Variants in SNX29 observed in about 807,000 individuals in gnomAD.
The protein encoded by SNX29 is sorting nexin-29.
A neutral mutation model predicts 102.1 loss-of-function variants in SNX29; 78 were observed. That is an observed-to-expected ratio of 0.76 (90% confidence interval 0.64 to 0.92). SNX29 has a LOEUF of 0.92. SNX29 is among the 40% of genes least tolerant of loss of function. SNX29 has a pLI of 0.00. For missense variants in SNX29, 1,280 were observed against 1,061.7 expected, an observed-to-expected ratio of 1.21 and a Z score of -2.86; for synonymous variants, 580 against 414.5, an observed-to-expected ratio of 1.40 and a Z score of -4.85.
At chr16:12,137,853 G>A (rs2054718398) in intron 13 of SNX29, among the ~76,000 whole-genome samples, 1 of 152,210 alleles carries the variant, frequency 6.6e-6, no homozygotes, top group Non-Finnish European at 1.5e-5. Context: ...TTGGGCTAGG[G>A]ATGGCCTTTG....
At chr16:12,335,688 G>A (rs1358022313) in intron 15 of SNX29, among the ~76,000 whole-genome samples, 1 of 152,142 alleles carries the variant, frequency 6.6e-6, no homozygotes, top group African/African-American at 2.4e-5. Flanking sequence ...TTGGGGGTTT[G>A]GGGGAAGCTG....
chr16:12,058,191 G>A (rs575130262), intron 8 of SNX29, among the ~76,000 whole-genome samples: 1 of 152,206 alleles, frequency 6.6e-6, no homozygotes, highest in African/African-American at 2.4e-5. Flanking sequence ...ACTGTGTAAA[G>A]AATAGTCCGC....
intron 18 of SNX29, among the ~76,000 whole-genome samples, chr16:12,467,299 A>G (rs1416180565): frequency 6.6e-6 from 1 of 152,200 alleles, no homozygotes; most frequent in African/African-American, 2.4e-5. Context: ...CAGTAATCTA[A>G]AAGTGAGTGA....
rs547208837 is a variant in SNX29, at chr16:12,162,854, C to T, written c.1595+33096C>T. ...CAACACCCTGGAGGGCCGGCAAGCA[C>T]GTGTTTATCACACAACATAGTTGTT... is the stretch of plus-strand genomic sequence containing the variant. On this transcript the variant is annotated intron_variant, in intron 13 of 20. Transcript: ENST00000566228. 8.5e-5 allele frequency among the ~76,000 whole-genome samples: 13 copies of T among 152,202 alleles called. No homozygotes were observed. In the South Asian group the frequency reaches 1.5e-3, roughly 17 times the overall value.
chr16:12,568,304 T>TGAA (rs1555465909), intron 20 of SNX29, among the ~76,000 whole-genome samples: 1 of 146,340 alleles, frequency 6.8e-6, no homozygotes, highest in African/African-American at 2.5e-5. Context: ...GGAGTGCTGT[T>TGAA]AAAAAAAAAA....
At chr16:12,145,605 A>G (rs941717431) in intron 13 of SNX29, among the ~76,000 whole-genome samples, 12 of 152,362 alleles carry the variant, frequency 7.9e-5, no homozygotes, top group Non-Finnish European at 1.3e-4. Flanking sequence ...ACCATCAATG[A>G]ATTTATTATT....
chr16:12,297,783 C>CCA (rs940020040), intron 15 of SNX29, among the ~76,000 whole-genome samples: 4 of 152,166 alleles, frequency 2.6e-5, no homozygotes, highest in Admixed American at 2.6e-4. Flanking sequence ...TGATTGGCTT[C>CCA]CACGTCTGGC....
chr16:12,560,077 C>T (rs962958486), intron 20 of SNX29, among the ~76,000 whole-genome samples: 9 of 152,118 alleles, frequency 5.9e-5, no homozygotes, highest in East Asian at 3.9e-4. Context: ...AACTACTGTC[C>T]TAACAGTGGT....
At chr16:12,137,498 G>T (rs2054706505) in intron 13 of SNX29, among the ~76,000 whole-genome samples, 1 of 152,180 alleles carries the variant, frequency 6.6e-6, no homozygotes, top group Non-Finnish European at 1.5e-5. Flanking sequence ...TTCCTTGACA[G>T]TGTTGTGCAT....
chr16:12,236,641 C>T (rs1010241699), intron 14 of SNX29, among the ~76,000 whole-genome samples: 4 of 152,244 alleles, frequency 2.6e-5, no homozygotes, highest in Admixed American at 1.3e-4. Flanking sequence ...ATCTGTCCCA[C>T]TGTGTTGGAA....
intron 18 of SNX29, among the ~76,000 whole-genome samples, chr16:12,432,107 G>T (rs539565657): frequency 3.3e-5 from 5 of 152,246 alleles, no homozygotes; most frequent in Non-Finnish European, 7.3e-5. Context: ...AGGGGACGAG[G>T]ACACAGGGGT....
At chr16:12,122,461 C>T (rs1305756881) in intron 11 of SNX29, among the ~76,000 whole-genome samples, 1 of 151,972 alleles carries the variant, frequency 6.6e-6, no homozygotes, top group Admixed American at 6.6e-5. Context: ...GCCAGCAAGC[C>T]CCAGATGCTC....
intron 16 of SNX29, chr16:12,372,519 A>G (rs1310242841): frequency 6.6e-6 from 1 of 152,210 alleles, no homozygotes; most frequent in African/African-American, 2.4e-5. Flanking sequence ...AGACACAGAC[A>G]TACTAAACAT....
intron 11 of SNX29, among the ~76,000 whole-genome samples, chr16:12,099,384 G>C (rs1374281849): frequency 1.3e-5 from 2 of 152,180 alleles, no homozygotes; most frequent in East Asian, 3.9e-4. Flanking sequence ...ATTTTTGAAT[G>C]GGGTTGTGTA....
At chr16:12,549,464 C>T (rs924781504) in intron 20 of SNX29, among the ~76,000 whole-genome samples, 2 of 149,502 alleles carry the variant, frequency 1.3e-5, no homozygotes, top group Non-Finnish European at 2.9e-5. Flanking sequence ...CATTGAACTC[C>T]AGCGTGGGCA....
chr16:12,494,645 C>G (rs1006259759), intron 19 of SNX29, among the ~76,000 whole-genome samples: 1 of 152,184 alleles, frequency 6.6e-6, no homozygotes, highest in African/African-American at 2.4e-5. Context: ...TAACCACCCC[C>G]TTGGAACTTT....
chr16:12,003,000 C>A lies in SNX29; in HGVS notation c.79C>A (p.Arg27Ser). 1.2e-6 allele frequency: 2 copies of A among 1,614,170 alleles called. No homozygotes were observed. The highest frequency in any genetic ancestry group is 1.7e-6 in the Non-Finnish European group (2 of 1,180,036). Reference protein sequence around the residue: ...LLDAVKQCQIRFGGRKEIASD... With the variant: ...LLDAVKQCQISFGGRKEIASD... ...TTCTTTTTCTGTGCAGTGCCAGATC[C>A]GCTTTGGAGGGAGAAAGGAGATTGC... is the stretch of plus-strand genomic sequence containing the variant. The change falls in exon 3 of 21, where the codon CGC (arginine) becomes AGC (serine). Residue 27 changes from arginine to serine, a missense_variant. By Grantham distance (110) the Arg-to-Ser change is moderately radical. Transcript: ENST00000566228.
At chr16:12,509,365 G>A (rs2151913531) in intron 19 of SNX29, among the ~76,000 whole-genome samples, 1 of 152,300 alleles carries the variant, frequency 6.6e-6, no homozygotes, top group South Asian at 2.1e-4. Context: ...GTTGCTTAGA[G>A]GGCTGGGGAG....
rs762903947 is a variant in SNX29 at position 12,572,223 on chromosome 16, C to T, written c.*3594C>T. On this transcript the variant is annotated 3_prime_UTR_variant, in exon 21 of 21. Transcript: ENST00000566228. ...ATTGTGCTTTAAAAACCAGAGGCTC[C>T]TGAAAGTCGTTTACACCAGGTGGAT... 23 of 1,016,580 alleles carry T rather than the reference C, an allele frequency of 2.3e-5. No homozygotes were observed. Among genetic ancestry groups the T allele is most frequent in the Non-Finnish European group, 2.6e-5 (22 of 835,618 alleles). 63.0% of individuals were successfully genotyped at this position (1,016,580 alleles called of 1,614,324 possible).
Sources: allele counts gnomAD v4.1 joint callset (sites outside exome capture counted in the v4.1 genomes callset), GRCh38; gene constraint gnomAD v4.1.1; transcripts MANE v1.5; gene names NCBI Gene and HGNC (gene_info 2026-07-23, HGNC 2026-07-21).